Variants in GLB1 observed in about 807,000 individuals in gnomAD.
The protein encoded by GLB1 is beta-galactosidase.
Under a neutral mutation model 74.0 loss-of-function variants are expected in GLB1, and 56 were observed. That is an observed-to-expected ratio of 0.76 (90% CI 0.61 to 0.94). GLB1 has a LOEUF of 0.94. Ranked by LOEUF, GLB1 falls within the 40% of genes least tolerant of loss-of-function variation. GLB1 has a pLI of 0.00. For synonymous variants in GLB1, 323 were observed against 323.6 expected (o/e 1.00, Z 0.02); for missense variants, 787 against 845.5 (o/e 0.93, Z 0.86).
At chr3:33,051,378 C>T (rs1698975157) in intron 9 of GLB1, among the ~76,000 whole-genome samples, 1 of 151,226 alleles carries the variant, frequency 6.6e-6, no homozygotes, top group Non-Finnish European at 1.5e-5. Context: ...GGGAGGATCA[C>T]TTGAGGTCAA....
the GLB1 span, among the ~76,000 whole-genome samples, chr3:32,973,161 G>C: frequency 6.6e-6 from 1 of 152,094 alleles, no homozygotes; most frequent in Non-Finnish European, 1.5e-5. Flanking sequence ...AACTGGGCTG[G>C]TGCACATAAA....
chr3:33,078,524 A>T (rs543539101), intron 1 of GLB1, among the ~76,000 whole-genome samples: 5 of 152,340 alleles, frequency 3.3e-5, no homozygotes, highest in South Asian at 2.1e-4. Context: ...CAAAATCACA[A>T]TTGAACCCGA....
intron 10 of GLB1, among the ~76,000 whole-genome samples, chr3:33,039,616 G>A (rs1482198664): frequency 6.6e-6 from 1 of 152,146 alleles, no homozygotes. Flanking sequence ...AAGCGCTTAG[G>A]AGATACACAG....
chr3:33,015,354 CTG>C (rs928783121), intron 14 of GLB1, among the ~76,000 whole-genome samples: 1 of 152,170 alleles, frequency 6.6e-6, no homozygotes, highest in African/African-American at 2.4e-5. Flanking sequence ...CATGAGAATA[CTG>C]TGATACCTTA....
In GLB1 at chr3:32,997,107, C is replaced by G; in HGVS notation, c.1972G>C (p.Glu658Gln). The change falls in exon 16 of 16, where the codon GAA (glutamate) becomes CAA (glutamine). Residue 658 changes from glutamate (E) to glutamine (Q), a missense_variant. Glu to Gln is a conservative substitution (Grantham distance 29, BLOSUM62 2). Coordinates refer to ENST00000307363, the MANE Select transcript of GLB1 (RefSeq NM_000404.4). ...VTYDHPSKPV[E>Q]KRLMPPPPQK... ...GGGGGTGGGGGCATGAGTCTTTTTT[C>G]AACAGGTTTGGAGGGATGATCGTAG... 1 of 1,614,076 alleles carries G rather than the reference C, an allele frequency of 6.2e-7. No individual in the cohort carries two copies. Among genetic ancestry groups the G allele is most frequent in the Non-Finnish European group, 8.5e-7 (1 of 1,180,004 alleles).
chr3:33,034,167 ATGACTCCTCCG>A, intron 10 of GLB1: 1 of 630,644 alleles, frequency 1.6e-6, no homozygotes, highest in Non-Finnish European at 2.9e-6. Context: ...CCCTCAGGAT[ATGACTCCTCCG>A]TGAACTCTGT....
In GLB1 at chr3:33,051,805, G is replaced by A; in HGVS notation, c.915-7C>T. On this transcript the variant is annotated splice_polypyrimidine_tract_variant and splice_region_variant and intron_variant, in intron 8 of 15. Transcript: ENST00000307363. ...CCCACCTATAAACATGTACCTACAA[G>A]GAAACAAAAGAACACGGTACTTCAC... is the stretch of plus-strand genomic sequence containing the variant. 3.7e-6 allele frequency: 6 copies of A among 1,614,120 alleles called. No homozygotes were observed. The highest frequency in any genetic ancestry group is 5.1e-6 in the Non-Finnish European group (6 of 1,180,026).
chr3:33,014,911 G>A (rs1231952815), intron 14 of GLB1, among the ~76,000 whole-genome samples: 1 of 152,202 alleles, frequency 6.6e-6, no homozygotes, highest in Non-Finnish European at 1.5e-5. Flanking sequence ...AGGTTGCAGT[G>A]AGCTGAGATC....
intron 10 of GLB1, among the ~76,000 whole-genome samples, chr3:33,042,722 T>C (rs994379285): frequency 6.6e-6 from 1 of 152,228 alleles, no homozygotes; most frequent in Non-Finnish European, 1.5e-5. Flanking sequence ...GCCTCCTTGC[T>C]AGTCTTTAAA....
chr3:33,023,699 G>T (rs575239692), intron 11 of GLB1, among the ~76,000 whole-genome samples: 2 of 151,862 alleles, frequency 1.3e-5, no homozygotes, highest in South Asian at 2.1e-4. Flanking sequence ...CTTCTTTTTC[G>T]CTTTTCCTAG....
Position 33,016,829 on chromosome 3 carries a change from TC to T in GLB1, c.1358del (p.Gly453GlufsTer8). On this transcript the variant is annotated frameshift_variant, in exon 14 of 16. Transcript: ENST00000307363. LOFTEE classifies it high-confidence loss of function. ...TGATCACATTGTTTCGCTCAAGGAC[TC>T]CCTGGGGGATCTGTGGGGTTCAAGA... ...AYVAVDGIPQ[G>X]VLERNNVITL... 1 of 1,614,046 alleles carries T rather than the reference TC, an allele frequency of 6.2e-7. No homozygotes were observed. The highest frequency in any genetic ancestry group is 1.3e-5 in the African/African-American group (1 of 75,042).
At chr3:33,029,539 C>T (rs558171565) in intron 10 of GLB1, among the ~76,000 whole-genome samples, 15 of 152,124 alleles carry the variant, frequency 9.9e-5, no homozygotes, top group Non-Finnish European at 1.0e-4. Flanking sequence ...AGTAAAGACA[C>T]GGAATCAACC....
At chr3:33,023,018 A>G (rs540080672) in intron 11 of GLB1, among the ~76,000 whole-genome samples, 1 of 152,238 alleles carries the variant, frequency 6.6e-6, no homozygotes, top group Non-Finnish European at 1.5e-5. Context: ...CTTATTTTCT[A>G]TATAACTGTG....
intron 1 of GLB1, among the ~76,000 whole-genome samples, chr3:33,083,161 G>A (rs1700381600): frequency 6.6e-6 from 1 of 152,140 alleles, no homozygotes; most frequent in African/African-American, 2.4e-5. Context: ...ACTTTGGGAG[G>A]CCGAGGCAGG....
At chr3:33,043,572 C>A (rs758927960) in intron 10 of GLB1, among the ~76,000 whole-genome samples, 1 of 151,708 alleles carries the variant, frequency 6.6e-6, no homozygotes, top group African/African-American at 2.4e-5. Flanking sequence ...AAAAGGTAAA[C>A]GAATAGAAAT....
chr3:33,042,245 A>T (rs1427905998), intron 10 of GLB1, among the ~76,000 whole-genome samples: 1 of 152,076 alleles, frequency 6.6e-6, no homozygotes, highest in Non-Finnish European at 1.5e-5. Flanking sequence ...ATGCTTTAAC[A>T]ACGGCTCTGC....
chr3:33,086,994 A>C (rs577334791), intron 1 of GLB1, among the ~76,000 whole-genome samples: 1 of 151,886 alleles, frequency 6.6e-6, no homozygotes, highest in Non-Finnish European at 1.5e-5. Flanking sequence ...AAAAAAAAAC[A>C]GTTGGTTTTT....
At chr3:33,006,168 G>A (rs1468340450) in intron 15 of GLB1, among the ~76,000 whole-genome samples, 1 of 152,110 alleles carries the variant, frequency 6.6e-6, no homozygotes, top group Non-Finnish European at 1.5e-5. Context: ...CATATAGCAG[G>A]GGTCCCCAAA....
In GLB1 at chr3:33,017,194, A is replaced by C. The variant is rs79623276; in HGVS notation, c.1348-354T>G. 4.7e-4 allele frequency among the ~76,000 whole-genome samples: 71 copies of C among 152,348 alleles called. No individual in the cohort carries two copies. The East Asian group carries it at 0.013, about 29-fold the overall frequency. ...TTCTGACAGCACAAAAGTCACTCAC[A>C]AAAAATTGCTTCTGAACAACATGGA... On this transcript the variant is annotated intron_variant, in intron 13 of 15. Transcript: ENST00000307363.
Sources: allele counts gnomAD v4.1 joint callset (sites outside exome capture counted in the v4.1 genomes callset), GRCh38; gene constraint gnomAD v4.1.1; transcripts MANE v1.5; gene names NCBI Gene and HGNC (gene_info 2026-07-23, HGNC 2026-07-21).